The following SPTLC2 variants were observed in gnomAD, a reference collection of about 807,000 sequenced individuals.
SPTLC2 encodes the protein serine palmitoyltransferase long chain base subunit 2.
Under a neutral mutation model 62.0 loss-of-function variants are expected in SPTLC2, and 21 were observed. That is an observed-to-expected ratio of 0.34 (90% CI 0.24 to 0.49). The LOEUF (loss-of-function observed/expected upper bound fraction) is 0.49. Ranked by LOEUF, SPTLC2 falls within the 20% of genes least tolerant of loss-of-function variation. The pLI is 0.99. For missense variants in SPTLC2, 511 were observed against 713.0 expected, an observed-to-expected ratio of 0.72 and a Z score of 3.23; for synonymous variants, 261 against 261.8, an observed-to-expected ratio of 1.00 and a Z score of 0.03.
Position 77,570,443 on chromosome 14 carries a change from T to C in SPTLC2, c.697A>G (p.Met233Val), listed in dbSNP as rs1037727342. 2 of 1,613,878 alleles carry C rather than the reference T, an allele frequency of 1.2e-6. No homozygotes were observed. Among genetic ancestry groups the C allele is most frequent in the East Asian group, 2.2e-5 (1 of 44,876 alleles). ...GTTGCAAATCCCATGCCATACGCCA[T>C]AGCAGCTTCTACTCCTAAGAACCTT... is the stretch of plus-strand genomic sequence containing the variant. ...VARFLGVEAA[M>V]AYGMGFATNS... Residue 233 changes from methionine to valine, a missense_variant, in exon 5 of 12, where the codon ATG (methionine) becomes GTG (valine). Transcript: ENST00000216484.
intron 2 of SPTLC2, among the ~76,000 whole-genome samples, chr14:77,591,521 G>A (rs575818045): frequency 6.6e-6 from 1 of 152,174 alleles, no homozygotes; most frequent in African/African-American, 2.4e-5. Flanking sequence ...CCTGTGCCCA[G>A]CAACTAACAC....
chr14:77,516,044 T>G lies in SPTLC2; in HGVS notation c.1569+1994A>C, dbSNP rs564954697. 2.7e-3 allele frequency among the ~76,000 whole-genome samples: 402 copies of G among 147,544 alleles called. 2 individuals are homozygous for G. Among genetic ancestry groups the G allele is most frequent in the South Asian group, 4.4e-3 (20 of 4,518 alleles). On this transcript the variant is annotated intron_variant, in intron 11 of 11. Coordinates refer to ENST00000216484, the MANE Select transcript of SPTLC2 (RefSeq NM_004863.4). Reference sequence around the variant, plus strand: ...TGTGTGTGTGTGTATTTTACAGCACTTTCTATATACAGAATCATGTCATGA... The same window carrying G: ...TGTGTGTGTGTGTATTTTACAGCACGTTCTATATACAGAATCATGTCATGA...
chr14:77,596,681 A>G (rs1252199505), intron 2 of SPTLC2, among the ~76,000 whole-genome samples: 1 of 152,224 alleles, frequency 6.6e-6, no homozygotes, highest in African/African-American at 2.4e-5. Context: ...CACATTCTGT[A>G]TTACAGCTTG....
chr14:77,591,720 ATGTATGT>A (rs1268841220), intron 2 of SPTLC2, among the ~76,000 whole-genome samples: 1 of 146,552 alleles, frequency 6.8e-6, no homozygotes, highest in Non-Finnish European at 1.5e-5. Flanking sequence ...GTATGTATGT[ATGTATGT>A]ATGTATTTAT....
In SPTLC2 at chr14:77,616,465, C is replaced by T; in HGVS notation, c.115G>A (p.Ala39Thr). The T allele has an allele frequency of 6.7e-7, 1 of 1,489,742 alleles. No homozygotes were observed. The highest frequency in any genetic ancestry group is 1.3e-5 in the South Asian group (1 of 79,520). 92.3% of individuals were successfully genotyped at this position (1,489,742 alleles called of 1,614,324 possible). The change falls in exon 1 of 12, where the codon GCA becomes ACA. Residue 39 changes from alanine (A) to threonine (T), a missense_variant. Ala to Thr is a moderately conservative substitution (Grantham distance 58). Transcript: ENST00000216484. ...CCTCGTACCTGGCCGGCGGCGGCTG[C>T]GGCTGCGGCTGCAGCGCTGCTCCTC... is the stretch of plus-strand genomic sequence containing the variant. Reference protein sequence around the residue: ...YVRSSAAAAAAAAAGQIHHVT... With the variant: ...YVRSSAAAAATAAAGQIHHVT...
chr14:77,612,706 C>G (rs1413705870), intron 1 of SPTLC2, among the ~76,000 whole-genome samples: 1 of 152,226 alleles, frequency 6.6e-6, no homozygotes, highest in Non-Finnish European at 1.5e-5. Flanking sequence ...AAGCTAGTAG[C>G]TATTTAGTAA....
intron 1 of SPTLC2, among the ~76,000 whole-genome samples, chr14:77,609,453 G>A (rs1447976739): frequency 1.3e-5 from 2 of 151,988 alleles, no homozygotes; most frequent in African/African-American, 2.4e-5. Flanking sequence ...TAAATAACGT[G>A]GGGCTAGACA....
rs368263403 is a variant in SPTLC2 at position 77,570,369 on chromosome 14, G to A, written c.756+15C>T. On this transcript the variant is annotated intron_variant, in intron 5 of 11. Transcript: ENST00000216484. ...TATACATGAGGGAGTTTTCATAAAT[G>A]ACAGAGTATCTTACTTTGCCAACAA... is the stretch of plus-strand genomic sequence containing the variant. The A allele has an allele frequency of 6.2e-7, 1 of 1,610,998 alleles. No individual in the cohort carries two copies. The highest frequency in any genetic ancestry group is 1.3e-5 in the African/African-American group (1 of 74,840).
chr14:77,512,416 A>G lies in SPTLC2; in HGVS notation c.1570-13T>C, dbSNP rs886050851. ...TCTCCTTTAAAGCCTAAAATACACAAGACAAAGTAGAGGTCTGTCAGAGCC... is the reference window on the plus strand; with the variant it reads ...TCTCCTTTAAAGCCTAAAATACACAGGACAAAGTAGAGGTCTGTCAGAGCC... On this transcript the variant is annotated splice_polypyrimidine_tract_variant and intron_variant, in intron 11 of 11. Transcript: ENST00000216484. 1.2e-6 allele frequency: 2 copies of G among 1,614,206 alleles called. No homozygotes were observed. Among genetic ancestry groups the G allele is most frequent in the Non-Finnish European group, 1.7e-6 (2 of 1,180,018 alleles).
intron 9 of SPTLC2, among the ~76,000 whole-genome samples, chr14:77,522,246 C>T (rs566156813): frequency 4.6e-5 from 7 of 152,132 alleles, no homozygotes; most frequent in Non-Finnish European, 1.0e-4. Context: ...TCACTGCAAT[C>T]TCTGCTTCCC....
intron 7 of SPTLC2, 25 bp downstream of exon 7, chr14:77,557,016 G>A (rs768806357): frequency 5.6e-6 from 9 of 1,595,166 alleles, no homozygotes; most frequent in Non-Finnish European, 7.7e-6. Flanking sequence ...AAGTCACAAA[G>A]GTAAGAATAA....
At chr14:77,580,541 AT>A (rs1566786539) in intron 2 of SPTLC2, among the ~76,000 whole-genome samples, 47 of 99,856 alleles carry the variant, frequency 4.7e-4, no homozygotes, top group African/African-American at 1.5e-3. Context: ...TTAGAAAGGA[AT>A]TTTTTAAAAA....
At chr14:77,555,645 T>C in intron 7 of SPTLC2, 126 bp from the exon 8 acceptor site, 1 of 958,724 alleles carries the variant, frequency 1.0e-6, no homozygotes. Context: ...GGACAGAGTT[T>C]TGCTCCATTG....
At chr14:77,565,622 C>G (rs1431607894) in intron 5 of SPTLC2, among the ~76,000 whole-genome samples, 1 of 152,118 alleles carries the variant, frequency 6.6e-6, no homozygotes, top group Non-Finnish European at 1.5e-5. Flanking sequence ...AATAAGGGAC[C>G]AGTACCCTTC....
intron 5 of SPTLC2, among the ~76,000 whole-genome samples, chr14:77,566,439 G>A (rs749655871): frequency 3.3e-5 from 5 of 152,128 alleles, no homozygotes; most frequent in Non-Finnish European, 7.3e-5. Context: ...CTCTTGTTCA[G>A]GAGTTTAGAA....
chr14:77,597,819 G>GAAAA (rs571771933), intron 1 of SPTLC2, among the ~76,000 whole-genome samples: 2 of 128,740 alleles, frequency 1.6e-5, no homozygotes. Flanking sequence ...CTGGAAACAA[G>GAAAA]AAAAAAAAAA....
chr14:77,524,225 A>ATGACAGAAAACAGATTCATGGT (rs1368800753), intron 9 of SPTLC2, among the ~76,000 whole-genome samples: 11 of 152,210 alleles, frequency 7.2e-5, no homozygotes, highest in Non-Finnish European at 1.6e-4. Flanking sequence ...ACATACTGTA[A>ATGACAGAAAACAGATTCATGGT]TGACAGAAAA....
Position 77,512,168 on chromosome 14 carries a change from G to A in SPTLC2, c.*116C>T, listed in dbSNP as rs1036464698. On this transcript the variant is annotated 3_prime_UTR_variant, in exon 12 of 12. Coordinates refer to ENST00000216484, the MANE Select transcript of SPTLC2 (RefSeq NM_004863.4). ...GTGGAGGTGGCCACCTTCAGTAGCT[G>A]AGGCAATGTCTTTCACGTGAGATGG... 8.2e-6 allele frequency: 12 copies of A among 1,466,450 alleles called. No individual in the cohort carries two copies. Among genetic ancestry groups the A allele is most frequent in the Non-Finnish European group, 1.1e-5 (12 of 1,052,244 alleles). The allele number at this position is 1,466,450 out of a possible 1,614,324, so 90.8% of individuals were successfully genotyped here.
At chr14:77,576,960 G>C (rs2079719705) in intron 3 of SPTLC2, 45 bp from the exon 4 acceptor site, 40 of 1,606,322 alleles carry the variant, frequency 2.5e-5, no homozygotes, top group Middle Eastern at 1.7e-4. Flanking sequence ...GAGCAAAAAA[G>C]TACTTACATG....
Sources: allele counts gnomAD v4.1 joint callset (sites outside exome capture counted in the v4.1 genomes callset), GRCh38; gene constraint gnomAD v4.1.1; transcripts MANE v1.5; gene names NCBI Gene and HGNC (gene_info 2026-07-23, HGNC 2026-07-21).